The following CAB39L variants were observed in gnomAD, a reference collection of about 807,000 sequenced individuals.
CAB39L encodes the protein calcium-binding protein 39-like.
A neutral mutation model predicts 39.1 loss-of-function variants in CAB39L; 23 were observed. The observed-to-expected ratio is 0.59, with a 90% confidence interval of 0.42 to 0.83. The LOEUF (loss-of-function observed/expected upper bound fraction) is 0.83. Ranked by LOEUF, CAB39L falls within the 40% of genes least tolerant of loss-of-function variation. The pLI, the probability that CAB39L is intolerant of heterozygous loss-of-function variation, is 0.00. For synonymous variants in CAB39L, 126 were observed against 137.2 expected, an observed-to-expected ratio of 0.92 and a Z score of 0.57; for missense variants, 366 against 391.9, an observed-to-expected ratio of 0.93 and a Z score of 0.56.
At chr13:49,319,353 A>T (rs113378746) in intron 10 of CAB39L, among the ~76,000 whole-genome samples, 111 of 152,308 alleles carry the variant, frequency 7.3e-4, no homozygotes, top group African/African-American at 2.5e-3. Flanking sequence ...AAGGCCACAC[A>T]CTGTATGATT....
At chr13:49,337,891 C>T (rs549320255) in intron 9 of CAB39L, among the ~76,000 whole-genome samples, 2 of 152,106 alleles carry the variant, frequency 1.3e-5, no homozygotes, top group Admixed American at 1.3e-4. Flanking sequence ...TGTTTTCCAA[C>T]AACAGAATGT....
intron 6 of CAB39L, among the ~76,000 whole-genome samples, chr13:49,354,613 C>T (rs768134015): frequency 6.6e-6 from 1 of 152,128 alleles, no homozygotes; most frequent in Non-Finnish European, 1.5e-5. Flanking sequence ...ATGGCAGGTC[C>T]CCAGTAAAGG....
Position 49,434,169 on chromosome 13 carries a change from C to A in CAB39L, c.-191G>T. ...GTTCGCATCTTTACGTTCTGAACAG[C>A]AACTTAGAACACTTTGCTCCTGATA... On this transcript the variant is annotated 5_prime_UTR_variant, in exon 2 of 11. Coordinates refer to ENST00000409308, the MANE Select transcript of CAB39L (RefSeq NM_001079670.3). 2.2e-6 allele frequency: 1 copy of A among 456,668 alleles called. No individual in the cohort carries two copies. Among genetic ancestry groups the A allele is most frequent in the Non-Finnish European group, 4.4e-6 (1 of 226,962 alleles). 28.3% of individuals were successfully genotyped at this position (456,668 alleles called of 1,614,324 possible).
intron 9 of CAB39L, among the ~76,000 whole-genome samples, chr13:49,332,348 G>A (rs1593925571): frequency 6.6e-6 from 1 of 152,142 alleles, no homozygotes; most frequent in East Asian, 1.9e-4. Context: ...CCTAGAGCTA[G>A]GCAGAAATAA....
intron 9 of CAB39L, among the ~76,000 whole-genome samples, chr13:49,337,231 T>C (rs1305807797): frequency 6.6e-6 from 1 of 152,142 alleles, no homozygotes; most frequent in Non-Finnish European, 1.5e-5. Context: ...CATGTAAAAA[T>C]AACACAAGTG....
Position 49,310,882 on chromosome 13 carries a change from C to T in CAB39L, c.946G>A (p.Glu316Lys). The change falls in exon 11 of 11, where the codon GAG (glutamate) becomes AAG (lysine). Residue 316 changes from glutamate to lysine, a missense_variant. Transcript: ENST00000409308. ...TAGTTCTTCTCGTCAGCGAACTGCT[C>T]ATCATCCGTCCTTTCTTTTTGGAAG... ...SSFQKERTDD[E>K]QFADEKNYLI... 6.2e-7 allele frequency: 1 copy of T among 1,614,168 alleles called. No homozygotes were observed. The highest frequency in any genetic ancestry group is 8.5e-7 in the Non-Finnish European group (1 of 1,180,032).
At chr13:49,416,795 G>C (rs1204201389) in intron 3 of CAB39L, among the ~76,000 whole-genome samples, 1 of 152,196 alleles carries the variant, frequency 6.6e-6, no homozygotes, top group Admixed American at 6.5e-5. Context: ...CTGGTACACA[G>C]TGAGCACTGT....
intron 3 of CAB39L, among the ~76,000 whole-genome samples, chr13:49,390,258 A>G (rs1014608604): frequency 3.3e-5 from 5 of 152,096 alleles, no homozygotes; most frequent in African/African-American, 1.2e-4. Context: ...ATATTTAAAA[A>G]AAATTTTAGA....
intron 6 of CAB39L, among the ~76,000 whole-genome samples, chr13:49,357,918 A>G (rs571837450): frequency 1.8e-4 from 28 of 152,308 alleles, no homozygotes; most frequent in Middle Eastern, 6.8e-3. Context: ...CTCACACAGA[A>G]CTCTAGTCAC....
At chr13:49,356,911 T>C (rs1394583198) in intron 6 of CAB39L, among the ~76,000 whole-genome samples, 1 of 151,968 alleles carries the variant, frequency 6.6e-6, no homozygotes, top group Admixed American at 6.6e-5. Context: ...TAGTGAGGCG[T>C]GGTGGCATGG....
At chr13:49,394,636 G>A (rs1330458659) in intron 3 of CAB39L, among the ~76,000 whole-genome samples, 3 of 152,060 alleles carry the variant, frequency 2.0e-5, no homozygotes, top group African/African-American at 7.2e-5. Flanking sequence ...CTAACAGAGG[G>A]AAATAATTAA....
At chr13:49,383,989 CTG>C (rs1956301502) in intron 3 of CAB39L, among the ~76,000 whole-genome samples, 2 of 152,110 alleles carry the variant, frequency 1.3e-5, no homozygotes, top group Admixed American at 1.3e-4. Flanking sequence ...GATGGAGTAG[CTG>C]TGGCGATTTC....
At chr13:49,341,885 T>C (rs1955019318) in intron 8 of CAB39L, among the ~76,000 whole-genome samples, 1 of 152,138 alleles carries the variant, frequency 6.6e-6, no homozygotes, top group African/African-American at 2.4e-5. Context: ...TAAAAAATCA[T>C]CCTCCCCTCA....
At chr13:49,311,061 G>A (rs776763043) in intron 10 of CAB39L, 68 bp from the exon 11 acceptor site, 7 of 1,431,872 alleles carry the variant, frequency 4.9e-6, no homozygotes, top group African/African-American at 1.4e-5. Context: ...CAGCAGTGCA[G>A]GCCAGGGACC....
intron 3 of CAB39L, chr13:49,414,113 G>A (rs1397057584): frequency 6.6e-6 from 1 of 152,110 alleles, no homozygotes; most frequent in Non-Finnish European, 1.5e-5. Flanking sequence ...AACAAATTCT[G>A]CATTTTCTAT....
chr13:49,430,586 A>G (rs1957306276), intron 3 of CAB39L, among the ~76,000 whole-genome samples: 1 of 152,130 alleles, frequency 6.6e-6, no homozygotes, highest in Admixed American at 6.5e-5. Flanking sequence ...CATTTTCAAG[A>G]GTTTTTTAGC....
At chr13:49,359,931 T>C (rs1955587734) in intron 5 of CAB39L, 99 bp from the exon 6 acceptor site, 1 of 632,338 alleles carries the variant, frequency 1.6e-6, no homozygotes, top group Non-Finnish European at 2.7e-6. Context: ...CAGACAGAAA[T>C]GGTACCATCC....
intron 8 of CAB39L, among the ~76,000 whole-genome samples, chr13:49,341,866 G>C (rs1177162391): frequency 6.6e-6 from 1 of 151,924 alleles, no homozygotes; most frequent in Admixed American, 6.6e-5. Context: ...TAATTATTTT[G>C]TATCAATTTA....
chr13:49,369,549 C>G (rs558697723), intron 5 of CAB39L, among the ~76,000 whole-genome samples: 75 of 151,524 alleles, frequency 4.9e-4, no homozygotes, highest in African/African-American at 1.7e-3. Context: ...TGCCAGAGGC[C>G]GAGGACAGGA....
Sources: gnomAD v4.1 joint callset for allele counts (sites outside exome capture counted in the v4.1 genomes callset) on GRCh38, gnomAD v4.1.1 for gene constraint, MANE v1.5 for transcripts, NCBI Gene and HGNC (gene_info 2026-07-23, HGNC 2026-07-21) for gene names.